The following DMD variants were observed in gnomAD, a reference collection of about 807,000 sequenced individuals.
DMD encodes the protein dystrophin.
A neutral mutation model predicts 330.1 loss-of-function variants in DMD; 63 were observed. The observed-to-expected ratio is 0.19, with a 90% CI of 0.16 to 0.24. The LOEUF is 0.24. Among genes scored for constraint, DMD ranks in the 10% least tolerant of loss-of-function variants. The pLI is 1.00. For synonymous variants in DMD, 1,223 were observed against 959.8 expected (o/e 1.27, Z -5.07); for missense variants, 3,344 against 2,684.1 (o/e 1.25, Z -5.43).
At chrX:32,014,963 G>C (rs767976229) in intron 44 of DMD, among the ~76,000 whole-genome samples, 4 of 112,422 alleles carry the variant, frequency 3.6e-5, no homozygotes, top group African/African-American at 9.7e-5. Context: ...CTTTTGCGAA[G>C]ATGGTAGTTC....
intron 7 of DMD, among the ~76,000 whole-genome samples, chrX:32,730,058 C>A (rs1033153025): frequency 4.5e-5 from 5 of 111,996 alleles, no homozygotes; most frequent in Admixed American, 1.9e-4. Context: ...GTGGGCCAGG[C>A]ACAATGGTTC....
intron 66 of DMD, among the ~76,000 whole-genome samples, chrX:31,204,588 A>G (rs988896231): frequency 1.1e-4 from 12 of 112,045 alleles, no homozygotes; most frequent in African/African-American, 3.9e-4. Context: ...TCCATCATGT[A>G]TGTGTTCCCA....
At chrX:32,411,440 T>A in intron 30 of DMD, among the ~76,000 whole-genome samples, 1 of 111,730 alleles carries the variant, frequency 9.0e-6, no homozygotes, top group African/African-American at 3.3e-5. Context: ...AAAAACATTT[T>A]CTTTACCATT....
intron 44 of DMD, among the ~76,000 whole-genome samples, chrX:32,109,828 T>C (rs17243194): frequency 0.028 from 3,160 of 111,871 alleles, 45 homozygotes; most frequent in Non-Finnish European, 0.041. Context: ...CTCTGCATAA[T>C]TATTTTGTTT....
chrX:32,625,677 T>C (rs2058301431), intron 11 of DMD, among the ~76,000 whole-genome samples: 1 of 112,573 alleles, frequency 8.9e-6, no homozygotes. Context: ...TTTTTTGTGC[T>C]TTATGGAAAT....
intron 47 of DMD, among the ~76,000 whole-genome samples, chrX:31,916,661 A>C: frequency 9.0e-6 from 1 of 111,618 alleles, no homozygotes; most frequent in Admixed American, 9.5e-5. Flanking sequence ...AATACCCTGA[A>C]ATCTCCCCTT....
At chrX:32,630,656 C>CA (rs2058673082) in intron 11 of DMD, among the ~76,000 whole-genome samples, 1 of 110,987 alleles carries the variant, frequency 9.0e-6, no homozygotes, top group Non-Finnish European at 1.9e-5. Context: ...CTTTCAACTC[C>CA]AGAATTTTTG....
chrX:31,652,002 C>T (rs985334200), intron 54 of DMD, among the ~76,000 whole-genome samples: 9 of 111,957 alleles, frequency 8.0e-5, no homozygotes, highest in African/African-American at 2.6e-4. Flanking sequence ...TAATCAGATG[C>T]CAGTTACCCC....
At chrX:32,115,529 C>T (rs1387095805) in intron 44 of DMD, among the ~76,000 whole-genome samples, 1 of 111,426 alleles carries the variant, frequency 9.0e-6, no homozygotes, top group Non-Finnish European at 1.9e-5. Context: ...AGGAGTGAGC[C>T]ACTGTGTCCG....
intron 72 of DMD, 116 bp downstream of exon 72, chrX:31,173,423 A>G (rs2040199276): frequency 1.2e-6 from 1 of 852,847 alleles, no homozygotes; most frequent in Non-Finnish European, 1.7e-6. Flanking sequence ...GTTGATTAGT[A>G]GGAATCAGAC....
intron 9 of DMD, among the ~76,000 whole-genome samples, chrX:32,668,699 T>C (rs764619301): frequency 9.0e-6 from 1 of 111,263 alleles, no homozygotes; most frequent in South Asian, 3.8e-4. Context: ...AGTGATGTCA[T>C]GGTCTCTGCT....
intron 2 of DMD, among the ~76,000 whole-genome samples, chrX:32,987,982 T>G (rs759582576): frequency 3.7e-5 from 4 of 108,995 alleles, no homozygotes; most frequent in Non-Finnish European, 7.6e-5. Flanking sequence ...TACATATATA[T>G]GTGTATATAT....
At chrX:32,676,717 A>G (rs2147263923) in intron 9 of DMD, among the ~76,000 whole-genome samples, 1 of 111,765 alleles carries the variant, frequency 8.9e-6, no homozygotes, top group Admixed American at 9.5e-5. Context: ...ATCCTTCAGT[A>G]ATTAGTAATG....
rs1047989909 is a variant in DMD, at chrX:32,653,930, G to C, written c.961-8778C>G. ...ATTCTCTTTGAAGCAATTGTGAATGGAGTTCACTCATGATTTGCCTCTGTC... is the reference window on the plus strand; with the variant it reads ...ATTCTCTTTGAAGCAATTGTGAATGCAGTTCACTCATGATTTGCCTCTGTC... On this transcript the variant is annotated intron_variant, in intron 9 of 78. Transcript: ENST00000357033. Among the ~76,000 whole-genome samples, 6 of 111,773 alleles carry C rather than the reference G, an allele frequency of 5.4e-5. No homozygotes were observed. In the Admixed American group the frequency reaches 5.7e-4, roughly 11 times the overall value.
At chrX:31,267,051 G>C in intron 62 of DMD, 1 of 399,323 alleles carries the variant, frequency 2.5e-6, no homozygotes, top group East Asian at 4.7e-5. Context: ...CTGGGAACCC[G>C]GACACCCAGA....
intron 44 of DMD, among the ~76,000 whole-genome samples, chrX:32,102,794 A>G (rs16990111): frequency 0.092 from 10,234 of 111,295 alleles, 417 homozygotes; most frequent in African/African-American, 0.14. Flanking sequence ...TTATGCAACG[A>G]GTAGCTCCTT....
At chrX:32,978,171 A>C (rs756470879) in intron 2 of DMD, among the ~76,000 whole-genome samples, 2 of 111,974 alleles carry the variant, frequency 1.8e-5, no homozygotes, top group African/African-American at 3.2e-5. Context: ...GGAAGAGTTT[A>C]CTACACAGAG....
At chrX:32,117,994 A>G (rs769307567) in intron 44 of DMD, among the ~76,000 whole-genome samples, 2 of 111,144 alleles carry the variant, frequency 1.8e-5, no homozygotes, top group African/African-American at 6.5e-5. Flanking sequence ...AAGTTCACGT[A>G]AGGCTTATAA....
chrX:31,192,009 C>T (rs955774748), intron 67 of DMD, among the ~76,000 whole-genome samples: 5 of 112,241 alleles, frequency 4.5e-5, no homozygotes, highest in African/African-American at 1.3e-4. Context: ...ACAAGGAGAA[C>T]GGTTAGTCAG....
Sources: allele counts gnomAD v4.1 joint callset (sites outside exome capture counted in the v4.1 genomes callset), GRCh38; gene constraint gnomAD v4.1.1; transcripts MANE v1.5; gene names NCBI Gene and HGNC (gene_info 2026-07-23, HGNC 2026-07-21).